RAD51B: variants seen among roughly 807,000 people sequenced by gnomAD.
The protein encoded by RAD51B is RAD51 paralog B.
In RAD51B, 38 loss-of-function variants were observed where a neutral mutation model predicts 42.2. That is an observed-to-expected ratio of 0.90 (90% confidence interval 0.70 to 1.18). The LOEUF is 1.18. Among genes scored for constraint, RAD51B ranks in the 50% most tolerant of loss-of-function variants. The pLI is 0.00. For synonymous variants in RAD51B, 154 were observed against 145.2 expected, an observed-to-expected ratio of 1.06 and a Z score of -0.43; for missense variants, 373 against 400.7, an observed-to-expected ratio of 0.93 and a Z score of 0.59.
intron 7 of RAD51B, among the ~76,000 whole-genome samples, chr14:67,925,356 T>A (rs554982668): frequency 6.6e-6 from 1 of 152,128 alleles, no homozygotes; most frequent in South Asian, 2.1e-4. Context: ...CACTGTACCC[T>A]CTGCCTCCTG....
intron 7 of RAD51B, among the ~76,000 whole-genome samples, chr14:68,005,076 A>G (rs1195786901): frequency 2.1e-5 from 2 of 96,676 alleles, no homozygotes; most frequent in African/African-American, 4.6e-5. Flanking sequence ...TTTTTTTGAG[A>G]CAGTGTCTCT....
chr14:68,611,390 A>T (rs1413749208), exon 11 of RAD51B: 3 of 621,792 alleles, frequency 4.8e-6, no homozygotes, highest in African/African-American at 3.7e-5. Context: ...GTCTCCAGTG[A>T]AAAAGTTCTT....
chr14:68,630,040 A>G (rs1892189145), intron 10 of RAD51B, among the ~76,000 whole-genome samples: 1 of 152,238 alleles, frequency 6.6e-6, no homozygotes, highest in Non-Finnish European at 1.5e-5. Flanking sequence ...TTCTCACAAA[A>G]TTCTTATCAC....
chr14:68,539,284 A>C (rs1410268156), intron 10 of RAD51B, among the ~76,000 whole-genome samples: 2 of 152,170 alleles, frequency 1.3e-5, no homozygotes, highest in Admixed American at 1.3e-4. Flanking sequence ...GCTTTTGTTC[A>C]GGTTTGCAAC....
At chr14:68,167,520 G>C (rs1214759911) in intron 7 of RAD51B, among the ~76,000 whole-genome samples, 2 of 152,124 alleles carry the variant, frequency 1.3e-5, no homozygotes, top group East Asian at 3.8e-4. Context: ...TCAGTGGTTG[G>C]TACAGAGGTA....
chr14:68,486,167 C>T (rs750021214), intron 10 of RAD51B, among the ~76,000 whole-genome samples: 4 of 152,218 alleles, frequency 2.6e-5, no homozygotes, highest in East Asian at 1.9e-4. Context: ...TCTTGAACTC[C>T]GGGTATGTCA....
At chr14:68,067,931 CAAAAAAAAA>C (rs913150528) in intron 7 of RAD51B, among the ~76,000 whole-genome samples, 136 of 24,706 alleles carry the variant, frequency 5.5e-3, no homozygotes, top group African/African-American at 0.014. Context: ...GACTCCATCT[CAAAAAAAAA>C]AAAAAAAAAA....
intron 9 of RAD51B, chr14:68,421,831 A>C (rs2084708116): frequency 6.3e-7 from 1 of 1,595,316 alleles, no homozygotes; most frequent in Non-Finnish European, 8.6e-7. Context: ...TTGCCATCCA[A>C]CCACTCAGTC....
chr14:67,986,201 A>G (rs2075189884), intron 7 of RAD51B, among the ~76,000 whole-genome samples: 1 of 152,272 alleles, frequency 6.6e-6, no homozygotes, highest in South Asian at 2.1e-4. Flanking sequence ...CTATGCACGT[A>G]TGATACTTAG....
At chr14:68,593,743 C>T (rs938977840) in intron 10 of RAD51B, among the ~76,000 whole-genome samples, 1 of 152,078 alleles carries the variant, frequency 6.6e-6, no homozygotes, top group African/African-American at 2.4e-5. Flanking sequence ...TCTGTGCAGC[C>T]CCTCAAATCA....
intron 9 of RAD51B, among the ~76,000 whole-genome samples, chr14:68,423,135 C>G (rs569024399): frequency 5.3e-5 from 8 of 152,322 alleles, no homozygotes; most frequent in Admixed American, 2.0e-4. Context: ...TTGTATCCCA[C>G]TGCCCATTTT....
chr14:68,650,523 A>C (rs1392869842), intron 10 of RAD51B, among the ~76,000 whole-genome samples: 1 of 152,224 alleles, frequency 6.6e-6, no homozygotes, highest in Non-Finnish European at 1.5e-5. Context: ...AGTGAGATCT[A>C]TCTACCCCAA....
At chr14:68,056,460 T>A (rs1186213841) in intron 7 of RAD51B, among the ~76,000 whole-genome samples, 1 of 151,596 alleles carries the variant, frequency 6.6e-6, no homozygotes, top group Non-Finnish European at 1.5e-5. Context: ...TAAAGAAATA[T>A]TTGTGGGGCT....
chr14:68,309,683 A>G (rs1467581057), intron 8 of RAD51B, among the ~76,000 whole-genome samples: 1 of 152,250 alleles, frequency 6.6e-6, no homozygotes, highest in Non-Finnish European at 1.5e-5. Context: ...TAATAATGCC[A>G]ATCACTTTAA....
chr14:68,674,529 T>C (rs909437521), intron 11 of RAD51B, among the ~76,000 whole-genome samples: 7 of 151,960 alleles, frequency 4.6e-5, no homozygotes, highest in Non-Finnish European at 5.9e-5. Context: ...ATATAACATA[T>C]AATGTTACCA....
At chr14:68,255,541 A>G (rs1334724314) in intron 7 of RAD51B, among the ~76,000 whole-genome samples, 1 of 152,222 alleles carries the variant, frequency 6.6e-6, no homozygotes, top group Non-Finnish European at 1.5e-5. Flanking sequence ...ACAATGAGGC[A>G]ATTAGACTGT....
At chr14:68,085,695 G>A (rs1190719563) in intron 7 of RAD51B, among the ~76,000 whole-genome samples, 2 of 152,182 alleles carry the variant, frequency 1.3e-5, no homozygotes, top group African/African-American at 4.8e-5. Context: ...GGAGGTGATT[G>A]GATAGGATCA....
chr14:68,193,668 C>T (rs1266471128), intron 7 of RAD51B, among the ~76,000 whole-genome samples: 1 of 152,136 alleles, frequency 6.6e-6, no homozygotes, highest in Non-Finnish European at 1.5e-5. Flanking sequence ...TTCAAAGATA[C>T]TCAAAATTTA....
At chr14:68,474,991 G>A (rs1882437824) in intron 10 of RAD51B, among the ~76,000 whole-genome samples, 1 of 152,114 alleles carries the variant, frequency 6.6e-6, no homozygotes, top group African/African-American at 2.4e-5. Flanking sequence ...TTTTTGCTCT[G>A]TCACACCTAG....
Sources: allele counts gnomAD v4.1 joint callset (sites outside exome capture counted in the v4.1 genomes callset), GRCh38; gene constraint gnomAD v4.1.1; transcripts MANE v1.5; gene names NCBI Gene and HGNC (gene_info 2026-07-23, HGNC 2026-07-21).